FOXP2: variants seen among roughly 807,000 people sequenced by gnomAD.
FOXP2 encodes the protein forkhead box protein P2.
A neutral mutation model predicts 115.8 loss-of-function variants in FOXP2; 12 were observed. That is an observed-to-expected ratio of 0.10 (90% CI 0.07 to 0.17). The LOEUF (loss-of-function observed/expected upper bound fraction) is 0.17. FOXP2 is among the 10% of genes least tolerant of loss of function. FOXP2 has a pLI of 1.00. For missense variants in FOXP2, 629 were observed against 843.5 expected (o/e 0.75, Z 3.15); for synonymous variants, 328 against 297.7 (o/e 1.10, Z -1.05).
intron 2 of FOXP2, among the ~76,000 whole-genome samples, chr7:114,409,028 T>C (rs1793103347): frequency 6.6e-6 from 1 of 152,120 alleles, no homozygotes; most frequent in Admixed American, 6.6e-5. Flanking sequence ...CATTTTATTT[T>C]GTTAGATAAA....
At chr7:114,276,681 C>T (rs928641092) in intron 1 of FOXP2, among the ~76,000 whole-genome samples, 12 of 152,082 alleles carry the variant, frequency 7.9e-5, no homozygotes, top group African/African-American at 2.9e-4. Context: ...GTACTGGTTC[C>T]CATAGTGGTC....
chr7:114,531,481 G>C (rs933812300), intron 2 of FOXP2, among the ~76,000 whole-genome samples: 2 of 151,784 alleles, frequency 1.3e-5, no homozygotes, highest in African/African-American at 4.8e-5. Context: ...CAGTCCTAAA[G>C]TGTTATCCAG....
intron 3 of FOXP2, among the ~76,000 whole-genome samples, chr7:114,602,051 A>G (rs1015202834): frequency 2.6e-5 from 4 of 152,090 alleles, no homozygotes; most frequent in Non-Finnish European, 5.9e-5. Flanking sequence ...TGGAATGTAT[A>G]TCTGCTTTTC....
chr7:114,111,107 T>C (rs1791257108), intron 1 of FOXP2, among the ~76,000 whole-genome samples: 2 of 152,162 alleles, frequency 1.3e-5, no homozygotes, highest in African/African-American at 4.8e-5. Flanking sequence ...ATTAGAGTGC[T>C]GCATTAATGC....
At chr7:114,423,204 G>C (rs1323200635) in intron 1 of FOXP2, among the ~76,000 whole-genome samples, 1 of 151,434 alleles carries the variant, frequency 6.6e-6, no homozygotes, top group African/African-American at 2.4e-5. Context: ...TTATACCCTT[G>C]GTAACAACAC....
intron 2 of FOXP2, among the ~76,000 whole-genome samples, chr7:114,288,639 T>A (rs575959887): frequency 1.3e-5 from 2 of 151,940 alleles, no homozygotes; most frequent in African/African-American, 4.8e-5. Context: ...ATTTGTTTTC[T>A]TTTTTAATGT....
intron 2 of FOXP2, among the ~76,000 whole-genome samples, chr7:114,396,715 T>C (rs879548070): frequency 4.4e-4 from 67 of 151,768 alleles, no homozygotes; most frequent in Non-Finnish European, 8.0e-4. Flanking sequence ...GATCAAAGAA[T>C]ACAAAATTTC....
intron 3 of FOXP2, among the ~76,000 whole-genome samples, chr7:114,612,244 C>A (rs1280724452): frequency 6.6e-6 from 1 of 151,932 alleles, no homozygotes; most frequent in Non-Finnish European, 1.5e-5. Flanking sequence ...GAAGCAGCTC[C>A]TATATTACGC....
chr7:114,190,479 C>G (rs981172929), intron 1 of FOXP2, among the ~76,000 whole-genome samples: 1 of 152,148 alleles, frequency 6.6e-6, no homozygotes, highest in Non-Finnish European at 1.5e-5. Context: ...GCCAGGGGCT[C>G]CCCGTCTTAG....
chr7:114,337,768 A>G (rs1026134815), intron 2 of FOXP2, among the ~76,000 whole-genome samples: 2 of 151,176 alleles, frequency 1.3e-5, no homozygotes, highest in African/African-American at 4.8e-5. Context: ...TAAATAGATA[A>G]TCATACAAAA....
At chr7:114,374,988 C>T (rs1042606997) in intron 2 of FOXP2, among the ~76,000 whole-genome samples, 1 of 151,776 alleles carries the variant, frequency 6.6e-6, no homozygotes, top group Non-Finnish European at 1.5e-5. Flanking sequence ...TGGGGGCGGT[C>T]CAGGCAAGTG....
At chr7:114,337,737 T>C (rs1364961699) in intron 2 of FOXP2, among the ~76,000 whole-genome samples, 3 of 151,062 alleles carry the variant, frequency 2.0e-5, no homozygotes, top group African/African-American at 7.3e-5. Context: ...AGATGAAAAA[T>C]GAAAATAGAC....
At chr7:114,106,586 T>C (rs74355667) in intron 1 of FOXP2, among the ~76,000 whole-genome samples, 13,173 of 151,986 alleles carry the variant, frequency 0.087, 1,113 homozygotes, top group East Asian at 0.49. Context: ...GGCAGTTATG[T>C]TACAAACAGC....
intron 2 of FOXP2, among the ~76,000 whole-genome samples, chr7:114,359,934 A>C (rs1056068485): frequency 5.9e-5 from 9 of 152,268 alleles, no homozygotes; most frequent in Admixed American, 5.2e-4. Flanking sequence ...CTGTTGGGAC[A>C]GCATGATTGG....
intron 2 of FOXP2, among the ~76,000 whole-genome samples, chr7:114,360,816 A>G (rs1453287714): frequency 6.6e-6 from 1 of 152,198 alleles, no homozygotes; most frequent in Non-Finnish European, 1.5e-5. Context: ...GCTTTCAATT[A>G]TCCAAACTAA....
At chr7:114,209,087 C>T (rs1185258473) in intron 1 of FOXP2, among the ~76,000 whole-genome samples, 1 of 152,162 alleles carries the variant, frequency 6.6e-6, no homozygotes, top group Non-Finnish European at 1.5e-5. Context: ...TTGGAGCGAT[C>T]AGATGGAGAT....
chr7:114,533,187 C>T (rs371134899), intron 2 of FOXP2, among the ~76,000 whole-genome samples: 10 of 152,036 alleles, frequency 6.6e-5, no homozygotes, highest in African/African-American at 2.2e-4. Flanking sequence ...TATGCCAGAT[C>T]CTGCTATCGG....
At chr7:114,198,791 G>A (rs1278834524) in intron 1 of FOXP2, among the ~76,000 whole-genome samples, 1 of 152,156 alleles carries the variant, frequency 6.6e-6, no homozygotes, top group Admixed American at 6.5e-5. Flanking sequence ...AGAGAAGAGT[G>A]GGGAGAAGGA....
chr7:114,402,383 T>C (rs973805006), intron 2 of FOXP2, among the ~76,000 whole-genome samples: 6 of 152,036 alleles, frequency 3.9e-5, no homozygotes, highest in Middle Eastern at 3.2e-3. Flanking sequence ...CAAGAGAGGC[T>C]CTAGGGTCTC....
Sources: allele counts gnomAD v4.1 joint callset (sites outside exome capture counted in the v4.1 genomes callset), GRCh38; gene constraint gnomAD v4.1.1; transcripts MANE v1.5; gene names NCBI Gene and HGNC (gene_info 2026-07-23, HGNC 2026-07-21).